FRMD5: variants seen among roughly 807,000 people sequenced by gnomAD.
FRMD5 encodes the protein FERM domain-containing protein 5.
A neutral mutation model predicts 69.0 loss-of-function variants in FRMD5; 20 were observed. That is an observed-to-expected ratio of 0.29 (90% CI 0.20 to 0.42). The LOEUF (loss-of-function observed/expected upper bound fraction) is 0.42. Ranked by LOEUF, FRMD5 falls within the 10% of genes least tolerant of loss-of-function variation. The probability of loss-of-function intolerance (pLI) is 1.00; values close to 1 mark genes in which losing one functional copy is unlikely to be tolerated. For missense variants in FRMD5, 595 were observed against 708.6 expected, an observed-to-expected ratio of 0.84 and a Z score of 1.82; for synonymous variants, 271 against 260.1, an observed-to-expected ratio of 1.04 and a Z score of -0.40.
At chr15:44,175,258 C>T (rs1019063225) in intron 1 of FRMD5, among the ~76,000 whole-genome samples, 2 of 152,102 alleles carry the variant, frequency 1.3e-5, no homozygotes, top group African/African-American at 2.4e-5. Context: ...CAAATCCCCA[C>T]CTCAGACACC....
Position 43,873,069 on chromosome 15 carries a change from G to A in FRMD5, c.*816C>T, listed in dbSNP as rs561898595. 4.8e-6 allele frequency: 5 copies of A among 1,034,706 alleles called. No individual in the cohort carries two copies. The East Asian group carries it at 7.8e-5, about 16-fold the overall frequency. 64.1% of individuals were successfully genotyped at this position (1,034,706 alleles called of 1,614,324 possible). A position where few individuals can be genotyped will look rare whatever the true frequency, so the allele number is the denominator to read the frequency against. On this transcript the variant is annotated 3_prime_UTR_variant, in exon 14 of 14. Transcript: ENST00000417257. ...TTAACGCCCCTGGAGCACTATAAAA[G>A]TCTTGAGGTTCTTCGGAAAAAAAAA...
intron 1 of FRMD5, among the ~76,000 whole-genome samples, chr15:44,030,503 C>T (rs898941168): frequency 1.3e-5 from 2 of 152,154 alleles, no homozygotes; most frequent in African/African-American, 4.8e-5. Context: ...ATGAATAAAG[C>T]GAACAGGGAT....
At chr15:44,168,059 A>C (rs1803590921) in intron 1 of FRMD5, among the ~76,000 whole-genome samples, 1 of 152,262 alleles carries the variant, frequency 6.6e-6, no homozygotes, top group African/African-American at 2.4e-5. Flanking sequence ...CTCCATTACC[A>C]ATCAATCAAT....
intron 1 of FRMD5, among the ~76,000 whole-genome samples, chr15:44,184,395 A>G (rs945129832): frequency 6.6e-6 from 1 of 152,232 alleles, no homozygotes; most frequent in Non-Finnish European, 1.5e-5. Context: ...TCAAGATGTC[A>G]TTTTATACAA....
chr15:44,143,927 A>AAAAC (rs2077314282), intron 1 of FRMD5, among the ~76,000 whole-genome samples: 1 of 150,418 alleles, frequency 6.6e-6, no homozygotes, highest in Non-Finnish European at 1.5e-5. Flanking sequence ...CTGTCACCAA[A>AAAAC]AAAAAAAAAA....
chr15:43,991,349 C>G (rs1056111751), intron 1 of FRMD5, among the ~76,000 whole-genome samples: 4 of 152,152 alleles, frequency 2.6e-5, no homozygotes, highest in African/African-American at 9.7e-5. Context: ...CTGTGAGGCT[C>G]TGTGATGGGG....
At chr15:44,126,556 C>T (rs1193419621) in intron 1 of FRMD5, among the ~76,000 whole-genome samples, 1 of 152,158 alleles carries the variant, frequency 6.6e-6, no homozygotes, top group African/African-American at 2.4e-5. Flanking sequence ...CTGCCATAAA[C>T]CTTTGCAGAA....
chr15:43,938,852 C>A (rs1024222033), intron 1 of FRMD5, among the ~76,000 whole-genome samples: 2 of 151,972 alleles, frequency 1.3e-5, no homozygotes, highest in African/African-American at 4.8e-5. Context: ...CCATGCTCAT[C>A]CTTAATAGAT....
chr15:44,025,164 C>A (rs1384643377), intron 1 of FRMD5, among the ~76,000 whole-genome samples: 3 of 152,102 alleles, frequency 2.0e-5, no homozygotes, highest in Non-Finnish European at 4.4e-5. Flanking sequence ...GCTGCTACCA[C>A]CATCACCATT....
intron 1 of FRMD5, among the ~76,000 whole-genome samples, chr15:43,970,810 C>G (rs139310475): frequency 1.3e-5 from 2 of 152,114 alleles, no homozygotes; most frequent in East Asian, 1.9e-4. Flanking sequence ...AATGAGACGT[C>G]TTTTTCTCCA....
At chr15:43,929,501 G>C (rs1262797941) in intron 1 of FRMD5, among the ~76,000 whole-genome samples, 1 of 152,192 alleles carries the variant, frequency 6.6e-6, no homozygotes, top group Admixed American at 6.5e-5. Context: ...CAGAGGGTAA[G>C]AGTGATTCCA....
At chr15:43,964,224 G>C (rs2090254168) in intron 1 of FRMD5, among the ~76,000 whole-genome samples, 1 of 152,000 alleles carries the variant, frequency 6.6e-6, no homozygotes, top group Non-Finnish European at 1.5e-5. Flanking sequence ...GCACACTAGT[G>C]GGTCAGACTC....
rs1432097035 is a variant in FRMD5, at chr15:43,994,242, T to C, written c.103-69933A>G. Among the ~76,000 whole-genome samples, 4 of 152,312 alleles carry C rather than the reference T, an allele frequency of 2.6e-5. No homozygotes were observed. In the East Asian group the frequency reaches 7.7e-4, roughly 29 times the overall value. On this transcript the variant is annotated intron_variant, in intron 1 of 13. Coordinates refer to ENST00000417257, the MANE Select transcript of FRMD5 (RefSeq NM_032892.5). ...TACTTTTTATTTTTTGTGAATCTAC[T>C]ATAGGCTTTTGTTTTGTGGTTACCA... is the stretch of plus-strand genomic sequence containing the variant.
chr15:44,129,650 T>A (rs1463497518), intron 1 of FRMD5, among the ~76,000 whole-genome samples: 1 of 152,142 alleles, frequency 6.6e-6, no homozygotes, highest in African/African-American at 2.4e-5. Flanking sequence ...CAGCTTAAAG[T>A]CATTTCCAAG....
chr15:43,955,561 T>A (rs1018436974), intron 1 of FRMD5, among the ~76,000 whole-genome samples: 2 of 152,204 alleles, frequency 1.3e-5, no homozygotes, highest in Non-Finnish European at 1.5e-5. Flanking sequence ...TATGGAGAAG[T>A]TGATGAAAGC....
intron 1 of FRMD5, 131 bp downstream of exon 1, chr15:44,194,822 G>A (rs1303432057): frequency 2.4e-6 from 2 of 839,968 alleles, no homozygotes; most frequent in Non-Finnish European, 3.9e-6. Flanking sequence ...GCGGTCCGCC[G>A]CAACCAGGAA....
intron 1 of FRMD5, among the ~76,000 whole-genome samples, chr15:44,178,945 T>G (rs1056474632): frequency 2.0e-5 from 3 of 151,962 alleles, no homozygotes; most frequent in Non-Finnish European, 4.4e-5. Flanking sequence ...TGAGCCAAGA[T>G]TGCACCACTG....
chr15:43,994,281 G>T (rs1203771797), intron 1 of FRMD5, among the ~76,000 whole-genome samples: 1 of 152,022 alleles, frequency 6.6e-6, no homozygotes, highest in African/African-American at 2.4e-5. Context: ...GGCTTACACA[G>T]AACATCTTAT....
At chr15:43,939,605 T>A (rs1868863057) in intron 1 of FRMD5, among the ~76,000 whole-genome samples, 1 of 152,220 alleles carries the variant, frequency 6.6e-6, no homozygotes, top group Middle Eastern at 3.4e-3. Flanking sequence ...TCACCCAGGC[T>A]GGAGTGTCGT....
Sources: gnomAD v4.1 joint callset for allele counts (sites outside exome capture counted in the v4.1 genomes callset) on GRCh38, gnomAD v4.1.1 for gene constraint, MANE v1.5 for transcripts, NCBI Gene and HGNC (gene_info 2026-07-23, HGNC 2026-07-21) for gene names.